Variants in ABCB7 observed in about 807,000 individuals in gnomAD.
ABCB7 encodes ATP binding cassette subfamily B member 7.
A neutral mutation model predicts 54.4 loss-of-function variants in ABCB7; 7 were observed. That is an observed-to-expected ratio of 0.13 (90% CI 0.07 to 0.24). The LOEUF (loss-of-function observed/expected upper bound fraction) is 0.24. ABCB7 is among the 10% of genes least tolerant of loss of function. The pLI is 1.00. For missense variants in ABCB7, 356 were observed against 570.4 expected (o/e 0.62, Z 3.83); for synonymous variants, 218 against 207.1 (o/e 1.05, Z -0.45).
intron 1 of ABCB7, among the ~76,000 whole-genome samples, chrX:75,127,155 C>A (rs962026836): frequency 1.8e-5 from 2 of 111,327 alleles, no homozygotes; most frequent in Non-Finnish European, 3.8e-5. Flanking sequence ...TGCGAAAATC[C>A]TCCATAAAAT....
chrX:75,125,583 G>A (rs1246999679), intron 1 of ABCB7, among the ~76,000 whole-genome samples: 1 of 110,746 alleles, frequency 9.0e-6, no homozygotes, highest in East Asian at 2.8e-4. Flanking sequence ...CTCCATTTTT[G>A]TGTCTCCCTT....
chrX:75,069,520 T>G (rs1324775112), intron 10 of ABCB7, 66 bp from the exon 11 acceptor site: 13 of 1,089,292 alleles, frequency 1.2e-5, no homozygotes, highest in Non-Finnish European at 1.3e-6. Flanking sequence ...GAAGACAATT[T>G]TCTAATTCAC....
intron 3 of ABCB7, among the ~76,000 whole-genome samples, chrX:75,110,886 G>A (rs1306340382): frequency 1.8e-5 from 2 of 111,640 alleles, no homozygotes; most frequent in African/African-American, 6.5e-5. Flanking sequence ...TATATAAATG[G>A]ATGATTTAAA....
chrX:75,091,119 C>G (rs759949779), intron 4 of ABCB7, among the ~76,000 whole-genome samples: 1 of 110,917 alleles, frequency 9.0e-6, no homozygotes, highest in Admixed American at 9.6e-5. Context: ...ATGAAAACAG[C>G]ACCATTCTAA....
intron 1 of ABCB7, among the ~76,000 whole-genome samples, chrX:75,148,501 G>A (rs2082109045): frequency 9.1e-6 from 1 of 109,650 alleles, no homozygotes; most frequent in Non-Finnish European, 1.9e-5. Context: ...GGTCTGAACT[G>A]TGTACTCCCC....
At position 75,156,006 on chromosome X, in the gene ABCB7, C is replaced by G; in HGVS notation, c.168+99G>C. On this transcript the variant is annotated intron_variant, in intron 1 of 15. Coordinates refer to ENST00000373394, the MANE Select transcript of ABCB7 (RefSeq NM_001271696.3). ...GCTGCTCCCAGTTAGCCATGACTTTCTTCTTGGTGCTCTCTCTGCCCCGAG... is the reference window on the plus strand; with the variant it reads ...GCTGCTCCCAGTTAGCCATGACTTTGTTCTTGGTGCTCTCTCTGCCCCGAG... The G allele has an allele frequency of 5.0e-6, 5 of 993,316 alleles. No homozygotes were observed. In the South Asian group the frequency reaches 8.2e-5, roughly 16 times the overall value. 81.9% of individuals were successfully genotyped at this position (993,316 alleles called of 1,213,427 possible). A position where few individuals can be genotyped will look rare whatever the true frequency, so the allele number is the denominator to read the frequency against.
At position 75,147,905 on chromosome X, in the gene ABCB7, C is replaced by A. The variant is rs761179775; in HGVS notation, c.168+8200G>T. ...CCGAGGTGGGCGGATCACCTGAGGT[C>A]AGGAGTTCGAGACTAGCCTGGCCAA... On this transcript the variant is annotated intron_variant, in intron 1 of 15. Transcript: ENST00000373394. Among the ~76,000 whole-genome samples, 4 of 111,987 alleles carry A rather than the reference C, an allele frequency of 3.6e-5. No homozygotes were observed. The East Asian group carries it at 1.1e-3, about 32-fold the overall frequency.
intron 1 of ABCB7, among the ~76,000 whole-genome samples, chrX:75,140,934 G>A (rs2082048953): frequency 8.9e-6 from 1 of 111,839 alleles, no homozygotes; most frequent in African/African-American, 3.2e-5. Flanking sequence ...CATGAGAGTT[G>A]TGGAATGAAG....
At chrX:75,056,185 C>T (rs917631383) in intron 15 of ABCB7, among the ~76,000 whole-genome samples, 6 of 111,188 alleles carry the variant, frequency 5.4e-5, no homozygotes, top group Admixed American at 9.6e-5. Flanking sequence ...AATTTCAAAC[C>T]GTGCAAATAT....
chrX:75,145,575 T>C (rs1296773091), intron 1 of ABCB7, among the ~76,000 whole-genome samples: 1 of 111,747 alleles, frequency 8.9e-6, no homozygotes, highest in Non-Finnish European at 1.9e-5. Flanking sequence ...TGAAGGAACA[T>C]ACCTCAAAAT....
intron 15 of ABCB7, among the ~76,000 whole-genome samples, chrX:75,055,350 T>C (rs1334675957): frequency 9.2e-6 from 1 of 108,847 alleles, no homozygotes; most frequent in Non-Finnish European, 1.9e-5. Flanking sequence ...TTCATTAGCA[T>C]GTATCTCCTA....
At chrX:75,077,482 A>G (rs761742851) in intron 4 of ABCB7, among the ~76,000 whole-genome samples, 1 of 112,600 alleles carries the variant, frequency 8.9e-6, no homozygotes, top group South Asian at 3.7e-4. Flanking sequence ...TTAGGAACAG[A>G]AAGTTTGTCA....
intron 1 of ABCB7, among the ~76,000 whole-genome samples, chrX:75,141,890 G>A (rs1024933811): frequency 1.7e-4 from 19 of 111,374 alleles, no homozygotes; most frequent in Admixed American, 3.8e-4. Context: ...ATGTCCAAAC[G>A]AAACAGGAGC....
rs2081616127 is a variant in ABCB7, at chrX:75,099,011, C to T, written c.384G>A (p.Val128=). 1 of 1,210,590 alleles carries T rather than the reference C, an allele frequency of 8.3e-7. No homozygotes were observed. The highest frequency in any genetic ancestry group is 1.7e-5 in the African/African-American group (1 of 57,809). ...RKIIKAMLSY[V]WPKDRPDLRA... ...GTAGATCTGGCCTGTCTTTGGGCCACACATAAGAAAGCATTGCTTTTATGA... is the reference window on the plus strand; with the variant it reads ...GTAGATCTGGCCTGTCTTTGGGCCATACATAAGAAAGCATTGCTTTTATGA... Residue 128 remains valine (V), a synonymous_variant, in exon 4 of 16, where the codon GTG becomes GTA. Transcript: ENST00000373394.
At chrX:75,141,416 G>GTT (rs760301870) in intron 1 of ABCB7, among the ~76,000 whole-genome samples, 2 of 109,510 alleles carry the variant, frequency 1.8e-5, no homozygotes, top group Non-Finnish European at 3.8e-5. Flanking sequence ...TCTTGCTTAT[G>GTT]TTTTTTTTTA....
At chrX:75,063,508 T>A (rs2081295905) in intron 13 of ABCB7, among the ~76,000 whole-genome samples, 2 of 111,341 alleles carry the variant, frequency 1.8e-5, no homozygotes, top group African/African-American at 6.5e-5. Flanking sequence ...TTAGTAAGTT[T>A]ATATTTATGC....
intron 4 of ABCB7, among the ~76,000 whole-genome samples, chrX:75,098,161 T>C (rs1347399377): frequency 2.7e-5 from 3 of 109,816 alleles, no homozygotes; most frequent in Non-Finnish European, 3.8e-5. Flanking sequence ...ATACAAAAAT[T>C]AGCTGGGCAT....
chrX:75,062,170 T>G (rs1350529292), intron 14 of ABCB7, among the ~76,000 whole-genome samples, 158 bp downstream of exon 14: 1 of 112,374 alleles, frequency 8.9e-6, no homozygotes, highest in African/African-American at 3.2e-5. Flanking sequence ...ATTCTTACCA[T>G]CAACACTTGC....
chrX:75,138,254 ACACG>A (rs1332594853), intron 1 of ABCB7, among the ~76,000 whole-genome samples: 1 of 93,120 alleles, frequency 1.1e-5, no homozygotes, highest in African/African-American at 3.7e-5. Context: ...ACACACACAC[ACACG>A]TGTTCCAACA....
Sources: gnomAD v4.1 joint callset for allele counts (sites outside exome capture counted in the v4.1 genomes callset) on GRCh38, gnomAD v4.1.1 for gene constraint, MANE v1.5 for transcripts, NCBI Gene and HGNC (gene_info 2026-07-23, HGNC 2026-07-21) for gene names.